NCAM2: variants seen among roughly 807,000 people sequenced by gnomAD.
NCAM2 encodes the protein neural cell adhesion molecule 2.
NCAM2 carries 30 observed loss-of-function variants against 98.1 expected under a neutral mutation model. The ratio of observed to expected loss-of-function variants is 0.31; its 90% CI spans 0.23 to 0.41. The LOEUF (loss-of-function observed/expected upper bound fraction) is 0.41. NCAM2 is among the 10% of genes least tolerant of loss of function. NCAM2 has a pLI of 1.00. For missense variants in NCAM2, 867 were observed against 1,005.8 expected (o/e 0.86, Z 1.87); for synonymous variants, 368 against 342.4 (o/e 1.07, Z -0.83).
chr21:21,174,174 C>T (rs1220852369), intron 1 of NCAM2, among the ~76,000 whole-genome samples: 1 of 152,166 alleles, frequency 6.6e-6, no homozygotes, highest in South Asian at 2.1e-4. Context: ...CTGCCTGCTT[C>T]AGCCTCCCCA....
At chr21:21,041,323 T>C (rs2064900110) in intron 1 of NCAM2, among the ~76,000 whole-genome samples, 1 of 152,118 alleles carries the variant, frequency 6.6e-6, no homozygotes, top group African/African-American at 2.4e-5. Flanking sequence ...GGGGAAGCCG[T>C]GTTATGCTCT....
intron 1 of NCAM2, among the ~76,000 whole-genome samples, chr21:21,246,935 C>A (rs2147266158): frequency 6.6e-6 from 1 of 152,214 alleles, no homozygotes; most frequent in African/African-American, 2.4e-5. Flanking sequence ...TGAACTTGCA[C>A]TTTATCTTGA....
At chr21:21,281,051 G>A (rs1310889188) in intron 2 of NCAM2, among the ~76,000 whole-genome samples, 1 of 151,936 alleles carries the variant, frequency 6.6e-6, no homozygotes, top group Non-Finnish European at 1.5e-5. Flanking sequence ...TTGGCCTCCT[G>A]AAGTGCTGGG....
intron 1 of NCAM2, among the ~76,000 whole-genome samples, chr21:21,128,287 A>ATT (rs771997726): frequency 6.6e-6 from 1 of 152,050 alleles, no homozygotes; most frequent in Admixed American, 6.6e-5. Flanking sequence ...GGAATAAGAT[A>ATT]AAGTCTCTCT....
intron 1 of NCAM2, among the ~76,000 whole-genome samples, chr21:21,177,258 A>G (rs78897198): frequency 0.032 from 4,807 of 151,978 alleles, 244 homozygotes; most frequent in African/African-American, 0.11. Context: ...TCAGTGTTAA[A>G]CCCTGTTTGT....
intron 2 of NCAM2, among the ~76,000 whole-genome samples, chr21:21,281,051 G>T (rs1310889188): frequency 1.3e-5 from 2 of 151,936 alleles, no homozygotes; most frequent in Admixed American, 1.3e-4. Flanking sequence ...TTGGCCTCCT[G>T]AAGTGCTGGG....
intron 6 of NCAM2, among the ~76,000 whole-genome samples, chr21:21,328,891 A>C (rs2074594374): frequency 6.6e-6 from 1 of 152,064 alleles, no homozygotes; most frequent in Non-Finnish European, 1.5e-5. Context: ...CACCCAGAAG[A>C]ACTTCTAGTC....
At chr21:21,009,559 T>A (rs2064169437) in intron 1 of NCAM2, among the ~76,000 whole-genome samples, 2 of 151,900 alleles carry the variant, frequency 1.3e-5, no homozygotes, top group Non-Finnish European at 1.5e-5. Context: ...ATATATATAT[T>A]GAAATATATA....
At chr21:21,078,035 T>C (rs1015281353) in intron 1 of NCAM2, among the ~76,000 whole-genome samples, 14 of 152,136 alleles carry the variant, frequency 9.2e-5, no homozygotes, top group African/African-American at 3.1e-4. Flanking sequence ...GATAGTAAAA[T>C]TAAAATCAGT....
intron 1 of NCAM2, among the ~76,000 whole-genome samples, chr21:21,265,520 TAC>T (rs200543452): frequency 2.6e-5 from 2 of 78,188 alleles, no homozygotes; most frequent in East Asian, 3.5e-4. Context: ...TATATACACA[TAC>T]ACACATATGT....
At chr21:21,235,094 A>T (rs2070766155) in intron 1 of NCAM2, among the ~76,000 whole-genome samples, 1 of 152,034 alleles carries the variant, frequency 6.6e-6, no homozygotes, top group Admixed American at 6.6e-5. Flanking sequence ...TTATTTAAGC[A>T]CCTTTTTTCT....
At chr21:21,514,059 C>CATAT (rs1569131809) in intron 16 of NCAM2, among the ~76,000 whole-genome samples, 2 of 151,554 alleles carry the variant, frequency 1.3e-5, no homozygotes, top group African/African-American at 4.8e-5. Context: ...ACATGCTCTA[C>CATAT]ATATATAACC....
chr21:21,155,138 G>T (rs2067573672), intron 1 of NCAM2, among the ~76,000 whole-genome samples: 1 of 151,310 alleles, frequency 6.6e-6, no homozygotes, highest in Non-Finnish European at 1.5e-5. Context: ...GACAGAGAAA[G>T]AAGTGTAGGC....
At chr21:21,304,794 ATT>A (rs958395859) in intron 5 of NCAM2, among the ~76,000 whole-genome samples, 2 of 152,016 alleles carry the variant, frequency 1.3e-5, no homozygotes, top group Non-Finnish European at 2.9e-5. Context: ...GGTCTCTTTA[ATT>A]TCTCTCAGCA....
rs2064210341 is a variant in NCAM2, at chr21:21,011,498, A to AT, written c.55+12886dup. On this transcript the variant is annotated intron_variant, in intron 1 of 17. Transcript: ENST00000400546. ...ACATATATTTACAGTATATGGCATG[A>AT]TTTTTTGACGTACGTATGTATTGTG... 2.0e-5 allele frequency among the ~76,000 whole-genome samples: 3 copies of AT among 152,062 alleles called. No individual in the cohort carries two copies. The East Asian group carries it at 5.8e-4, about 29-fold the overall frequency.
At chr21:21,201,447 A>G (rs1358359447) in intron 1 of NCAM2, among the ~76,000 whole-genome samples, 1 of 152,198 alleles carries the variant, frequency 6.6e-6, no homozygotes, top group Admixed American at 6.5e-5. Flanking sequence ...AGCTTAGGCA[A>G]TCTGAATATG....
At position 21,292,125 on chromosome 21, in the gene NCAM2, A is replaced by C; in HGVS notation, c.503A>C (p.Asn168Thr). Residue 168 changes from asparagine (N) to threonine (T), a missense_variant, in exon 5 of 18, where the codon AAC becomes ACC. Asn to Thr is a moderately conservative substitution (Grantham distance 65). Around this residue, in one of 5 missense-constraint regions of NCAM2, gnomAD observed 447 missense variants for 495.7 expected, o/e 0.90. Coordinates refer to ENST00000400546, the MANE Select transcript of NCAM2 (RefSeq NM_004540.5). ...CCAGATCGGTTCGCTATGTTAGCAA[A>C]CAATAACCTGCAGATTCTCAACATC... ...ISDNRFAMLA[N>T]NNLQILNINK... 3 of 1,610,630 alleles carry C rather than the reference A, an allele frequency of 1.9e-6. No homozygotes were observed. Among genetic ancestry groups the C allele is most frequent in the East Asian group, 2.2e-5 (1 of 44,718 alleles).
chr21:21,275,058 T>A (rs2072672251), intron 1 of NCAM2, among the ~76,000 whole-genome samples: 1 of 152,172 alleles, frequency 6.6e-6, no homozygotes, highest in African/African-American at 2.4e-5. Context: ...TGCTTACTTA[T>A]AAATATTAAT....
rs377734415 is a variant in NCAM2, at chr21:21,174,031, C to G, written c.56-106547C>G. Among the ~76,000 whole-genome samples the G allele has an allele frequency of 7.2e-5, 11 of 152,296 alleles. No individual in the cohort carries two copies. In the East Asian group the frequency reaches 1.7e-3, roughly 24 times the overall value. ...CTCCGCCTCCCGAGTTCAAGCGATT[C>G]TCCTGCCTCAGCCTCCCAAGTAGCT... On this transcript the variant is annotated intron_variant, in intron 1 of 17. Transcript: ENST00000400546.
Sources: gnomAD v4.1 joint callset for allele counts (sites outside exome capture counted in the v4.1 genomes callset) on GRCh38, gnomAD v4.1.1 for gene constraint, gnomAD v4.1.1 regional missense constraint, MANE v1.5 for transcripts, NCBI Gene and HGNC (gene_info 2026-07-23, HGNC 2026-07-21) for gene names.